The following OXCT1 variants were observed in gnomAD, a reference collection of about 807,000 sequenced individuals.
The protein encoded by OXCT1 is succinyl-CoA:3-ketoacid coenzyme A transferase 1, mitochondrial.
A neutral mutation model predicts 69.6 loss-of-function variants in OXCT1; 27 were observed. The ratio of observed to expected loss-of-function variants is 0.39; its 90% CI spans 0.29 to 0.54. OXCT1 has a LOEUF of 0.54. Ranked by LOEUF, OXCT1 falls within the 20% of genes least tolerant of loss-of-function variation. The pLI, the probability that OXCT1 is intolerant of heterozygous loss-of-function variation, is 0.72. For synonymous variants in OXCT1, 202 were observed against 217.8 expected, an observed-to-expected ratio of 0.93 and a Z score of 0.64; for missense variants, 437 against 650.2, an observed-to-expected ratio of 0.67 and a Z score of 3.57.
chr5:41,861,334 A>C lies in OXCT1; in HGVS notation c.258T>G (p.Thr86=), dbSNP rs759374202. 1 of 1,608,086 alleles carries C rather than the reference A, an allele frequency of 6.2e-7. No individual in the cohort carries two copies. Residue 86 remains threonine (T), a synonymous_variant, in exon 3 of 17, where the codon ACT becomes ACG. Transcript: ENST00000196371. ...CTTACCCTGCATTGTTGCTGACTGC[A>C]GTTAGTCCTTTTACTCCAGTTTTCA... ...ALLKTGVKGL[T]AVSNNAGVDN...
chr5:41,829,412 G>T (rs1183516589), intron 7 of OXCT1, among the ~76,000 whole-genome samples: 1 of 151,930 alleles, frequency 6.6e-6, no homozygotes, highest in Non-Finnish European at 1.5e-5. Context: ...TTTCTTTTAG[G>T]ATCTCTATAT....
At chr5:41,789,844 T>C (rs994422405) in intron 13 of OXCT1, among the ~76,000 whole-genome samples, 4 of 152,214 alleles carry the variant, frequency 2.6e-5, no homozygotes, top group Non-Finnish European at 5.9e-5. Context: ...TTACAATTGA[T>C]GCAACTAAAC....
intron 13 of OXCT1, among the ~76,000 whole-genome samples, chr5:41,766,093 C>G (rs1744583884): frequency 6.6e-6 from 1 of 152,150 alleles, no homozygotes; most frequent in African/African-American, 2.4e-5. Context: ...ATCTCATCAG[C>G]AAACATACAT....
chr5:41,859,483 C>T (rs1749617371), intron 3 of OXCT1, among the ~76,000 whole-genome samples: 1 of 152,068 alleles, frequency 6.6e-6, no homozygotes, highest in South Asian at 2.1e-4. Context: ...AATACATTCC[C>T]ATTGACAGCA....
chr5:41,742,911 C>T (rs953532396), intron 15 of OXCT1, among the ~76,000 whole-genome samples: 21 of 152,166 alleles, frequency 1.4e-4, no homozygotes, highest in Non-Finnish European at 2.9e-4. Context: ...CAAGTCTTTG[C>T]TATTGTGAAT....
intron 10 of OXCT1, among the ~76,000 whole-genome samples, chr5:41,801,830 T>C (rs1007204559): frequency 1.3e-5 from 2 of 152,062 alleles, no homozygotes; most frequent in African/African-American, 4.8e-5. Context: ...TCTATTTAAA[T>C]AGGCCAAGTA....
chr5:41,817,416 A>G (rs927868884), intron 7 of OXCT1, among the ~76,000 whole-genome samples: 2 of 152,226 alleles, frequency 1.3e-5, no homozygotes, highest in African/African-American at 4.8e-5. Context: ...CAGCACTTGC[A>G]TGACCGTTAA....
chr5:41,789,699 C>A (rs1745820934), intron 13 of OXCT1, among the ~76,000 whole-genome samples: 1 of 152,164 alleles, frequency 6.6e-6, no homozygotes, highest in Non-Finnish European at 1.5e-5. Context: ...GATTTTCCAC[C>A]TGTTTTTCTT....
At chr5:41,869,983 A>AAG in intron 1 of OXCT1, 3 of 442,874 alleles carry the variant, frequency 6.8e-6, no homozygotes, top group South Asian at 2.2e-5. Flanking sequence ...GACGAGCGCC[A>AAG]AAGGGCTCGG....
intron 15 of OXCT1, among the ~76,000 whole-genome samples, chr5:41,742,729 T>C (rs1168462575): frequency 6.6e-6 from 1 of 151,586 alleles, no homozygotes; most frequent in Non-Finnish European, 1.5e-5. Flanking sequence ...ACATGCAGTG[T>C]TTGGTTTTCT....
chr5:41,773,016 G>T (rs996189498), intron 13 of OXCT1, among the ~76,000 whole-genome samples: 3 of 152,224 alleles, frequency 2.0e-5, no homozygotes, highest in African/African-American at 7.2e-5. Flanking sequence ...CTCTGGGAGG[G>T]TCCTATCATC....
intron 11 of OXCT1, among the ~76,000 whole-genome samples, chr5:41,797,089 G>C (rs1041574851): frequency 6.6e-5 from 10 of 152,186 alleles, no homozygotes; most frequent in African/African-American, 2.4e-4. Flanking sequence ...TCAAGGAGGA[G>C]GAATTTGTAG....
chr5:41,764,351 T>C (rs899138612), intron 13 of OXCT1, among the ~76,000 whole-genome samples: 2 of 152,130 alleles, frequency 1.3e-5, no homozygotes, highest in African/African-American at 2.4e-5. Flanking sequence ...AGATGATGTA[T>C]GCAAACGTGT....
At chr5:41,767,661 T>G (rs1026067635) in intron 13 of OXCT1, among the ~76,000 whole-genome samples, 1 of 146,736 alleles carries the variant, frequency 6.8e-6, no homozygotes, top group Non-Finnish European at 1.5e-5. Flanking sequence ...AATCATCTGA[T>G]TGAGTAGACA....
intron 7 of OXCT1, among the ~76,000 whole-genome samples, chr5:41,838,107 G>A (rs1256906258): frequency 1.3e-5 from 2 of 152,096 alleles, no homozygotes; most frequent in Non-Finnish European, 2.9e-5. Flanking sequence ...ATCCCACTAT[G>A]ACTCCCATAA....
intron 3 of OXCT1, among the ~76,000 whole-genome samples, chr5:41,855,947 G>C (rs528623942): frequency 5.1e-4 from 78 of 152,262 alleles, no homozygotes; most frequent in Middle Eastern, 3.4e-3. Flanking sequence ...AAAACAGACA[G>C]ATAGACAGCT....
chr5:41,850,638 C>G (rs758270551), intron 4 of OXCT1, among the ~76,000 whole-genome samples: 56 of 151,830 alleles, frequency 3.7e-4, no homozygotes, highest in Non-Finnish European at 8.8e-5. Context: ...TATTTTAAAC[C>G]ATTTTCATAA....
At chr5:41,794,195 C>T in intron 12 of OXCT1, 117 bp from the exon 13 acceptor site, 1 of 767,672 alleles carries the variant, frequency 1.3e-6, no homozygotes, top group Non-Finnish European at 2.4e-6. Context: ...TCCCCCACCA[C>T]ACAACTGATT....
intron 13 of OXCT1, among the ~76,000 whole-genome samples, chr5:41,781,671 G>A (rs141796594): frequency 1.3e-5 from 2 of 152,132 alleles, no homozygotes; most frequent in East Asian, 1.9e-4. Context: ...TGTTTTCATC[G>A]TTCAGCTCCC....
Sources: allele counts gnomAD v4.1 joint callset (sites outside exome capture counted in the v4.1 genomes callset), GRCh38; gene constraint gnomAD v4.1.1; transcripts MANE v1.5; gene names NCBI Gene and HGNC (gene_info 2026-07-23, HGNC 2026-07-21).